The following SVIL variants were observed in gnomAD, a reference collection of about 807,000 sequenced individuals.
SVIL encodes supervillin.
A neutral mutation model predicts 240.4 loss-of-function variants in SVIL; 101 were observed. That is an observed-to-expected ratio of 0.42 (90% CI 0.36 to 0.50). The LOEUF is 0.50. SVIL is among the 20% of genes least tolerant of loss of function. SVIL has a pLI of 0.01. For synonymous variants in SVIL, 999 were observed against 1,100.0 expected (o/e 0.91, Z 1.82); for missense variants, 2,512 against 2,818.7 (o/e 0.89, Z 2.46).
chr10:29,679,518 A>G (rs1325067531), intron 2 of SVIL, among the ~76,000 whole-genome samples: 1 of 152,034 alleles, frequency 6.6e-6, no homozygotes, highest in Non-Finnish European at 1.5e-5. Flanking sequence ...CTGAAGATGA[A>G]TGATTAGAAA....
intron 2 of SVIL, among the ~76,000 whole-genome samples, chr10:29,566,257 A>G (rs7091361): frequency 0.55 from 83,757 of 151,980 alleles, 23,731 homozygotes; most frequent in African/African-American, 0.69. Flanking sequence ...AAAAACTGGC[A>G]TAATTGCACG....
At chr10:29,496,184 A>C (rs1029823214) in intron 18 of SVIL, among the ~76,000 whole-genome samples, 38 of 152,316 alleles carry the variant, frequency 2.5e-4, no homozygotes, top group African/African-American at 8.7e-4. Context: ...AATAAAAAAA[A>C]CCATTAAATG....
Position 29,480,795 on chromosome 10 carries a change from C to A in SVIL, c.5119G>T (p.Val1707Phe). 6.2e-7 allele frequency: 1 copy of A among 1,610,948 alleles called. No individual in the cohort carries two copies. The highest frequency in any genetic ancestry group is 8.5e-7 in the Non-Finnish European group (1 of 1,179,532). Residue 1707 changes from valine to phenylalanine, a missense_variant, in exon 29 of 38, where the codon GTC becomes TTC. This residue lies in a region of SVIL where 797 missense variants were observed against 925.3 expected (regional missense o/e 0.86). Transcript: ENST00000355867. ...AQHKEDPRTD[V>F]KAYDVTRMVS... is the part of the protein sequence containing the mutation. ...ATCCGTGTCACATCGTATGCCTTGA[C>A]ATCAGTCCTGGGGTCTTCCTACAGG...
intron 1 of SVIL, among the ~76,000 whole-genome samples, chr10:29,596,623 A>T (rs983106101): frequency 2.8e-4 from 42 of 152,256 alleles, no homozygotes; most frequent in African/African-American, 9.9e-4. Flanking sequence ...GCCACTGGGC[A>T]TTGGGCTAGA....
Position 29,607,826 on chromosome 10 carries a change from G to A in SVIL, c.-201+26594C>T, listed in dbSNP as rs376527624. ...CCCATCCTGACTCCAACCCCTTCAC[G>A]GGCAAGGCTCAAGGAGCTGGGAACC... On this transcript the variant is annotated intron_variant, in intron 1 of 37. Transcript: ENST00000355867. Among the ~76,000 whole-genome samples, 8 of 152,260 alleles carry A rather than the reference G, an allele frequency of 5.3e-5. No individual in the cohort carries two copies. In the East Asian group the frequency reaches 5.8e-4, roughly 11 times the overall value.
chr10:29,519,353 G>A (rs1455289013), intron 16 of SVIL, among the ~76,000 whole-genome samples: 3 of 152,148 alleles, frequency 2.0e-5, no homozygotes, highest in African/African-American at 7.2e-5. Context: ...CGTGGCCCTG[G>A]AGGCTACCGG....
In SVIL at chr10:29,656,630, G is replaced by A. The variant is rs568605515; in HGVS notation, c.-201+1339C>T. Among the ~76,000 whole-genome samples the A allele has an allele frequency of 4.6e-5, 7 of 152,302 alleles. No homozygotes were observed. The East Asian group carries it at 9.6e-4, about 21-fold the overall frequency. The stretch of plus-strand genomic sequence containing the variant: ...CCAGATCACATCCAGACAATAAAAT[G>A]TGGACGCTGATTCAACATGATTGCT... On this transcript the variant is annotated intron_variant, in intron 3 of 35. Transcript: ENST00000375400.
intron 1 of SVIL, among the ~76,000 whole-genome samples, chr10:29,693,029 G>A (rs74131933): frequency 0.033 from 5,062 of 152,080 alleles, 274 homozygotes; most frequent in African/African-American, 0.12. Flanking sequence ...GCCAAGGTCC[G>A]ATTTTTCACA....
intron 6 of SVIL, among the ~76,000 whole-genome samples, chr10:29,546,144 T>TTTAAAAATC (rs1257369612): frequency 6.6e-6 from 1 of 152,224 alleles, no homozygotes; most frequent in Non-Finnish European, 1.5e-5. Flanking sequence ...AGCTCAGGTG[T>TTTAAAAATC]TTAAAAATCT....
intron 1 of SVIL, among the ~76,000 whole-genome samples, chr10:29,572,148 C>T (rs866209513): frequency 3.9e-5 from 6 of 152,098 alleles, no homozygotes; most frequent in African/African-American, 1.4e-4. Context: ...TACAAACACA[C>T]TTAAGGTGAA....
chr10:29,732,876 C>T (rs1284077978), intron 1 of SVIL, among the ~76,000 whole-genome samples: 10 of 149,724 alleles, frequency 6.7e-5, no homozygotes, highest in Admixed American at 6.6e-4. Context: ...TTTTTTAATT[C>T]CTACCATCTT....
intron 2 of SVIL, among the ~76,000 whole-genome samples, chr10:29,664,019 T>C (rs1328782784): frequency 3.3e-5 from 5 of 152,234 alleles, no homozygotes; most frequent in Non-Finnish European, 5.9e-5. Flanking sequence ...ACGGGACACG[T>C]TCCCCATTTG....
chr10:29,638,427 T>A (rs1020356410), upstream of SVIL, among the ~76,000 whole-genome samples: 23 of 151,644 alleles, frequency 1.5e-4, no homozygotes, highest in African/African-American at 5.3e-4. Flanking sequence ...GATCATGCCA[T>A]TGCACTCCAG....
intron 1 of SVIL, among the ~76,000 whole-genome samples, chr10:29,591,529 T>C (rs891740022): frequency 1.3e-5 from 2 of 152,258 alleles, no homozygotes; most frequent in Non-Finnish European, 2.9e-5. Context: ...GATGCAATCC[T>C]GTGCCATAGT....
intron 2 of SVIL, among the ~76,000 whole-genome samples, chr10:29,568,229 T>TTAAA (rs66509666): frequency 0.083 from 12,592 of 151,448 alleles, 596 homozygotes; most frequent in Admixed American, 0.13. Flanking sequence ...TGTGTAAAAA[T>TTAAA]TAAAGCATAA....
chr10:29,481,216 A>G (rs1372986403), intron 28 of SVIL, among the ~76,000 whole-genome samples: 2 of 149,956 alleles, frequency 1.3e-5, no homozygotes, highest in East Asian at 3.9e-4. Flanking sequence ...TTAAAAAAGT[A>G]TTTTAGTTGA....
intron 1 of SVIL, among the ~76,000 whole-genome samples, chr10:29,621,052 C>T (rs1957619709): frequency 6.6e-6 from 1 of 151,192 alleles, no homozygotes; most frequent in African/African-American, 2.5e-5. Context: ...AATTCTCCCA[C>T]CTTGGCCTCC....
Position 29,470,492 on chromosome 10 carries a change from G to A in SVIL, c.5636-9C>T. The A allele has an allele frequency of 6.2e-7, 1 of 1,613,918 alleles. No homozygotes were observed. Among genetic ancestry groups the A allele is most frequent in the South Asian group, 1.1e-5 (1 of 91,078 alleles). On this transcript the variant is annotated splice_polypyrimidine_tract_variant and intron_variant, in intron 31 of 37. Coordinates refer to ENST00000355867, the MANE Select transcript of SVIL (RefSeq NM_021738.3). Reference sequence around the variant, plus strand: ...GTACAGCCGCCACTCACCTGCAGGGGGCACCGGCGGCGCGGAGGAGTTAGC... The same window carrying A: ...GTACAGCCGCCACTCACCTGCAGGGAGCACCGGCGGCGCGGAGGAGTTAGC...
At position 29,458,446 on chromosome 10, in the gene SVIL, G is replaced by C. The variant is rs766760077; in HGVS notation, c.6546C>G (p.Asp2182Glu). 1.9e-6 allele frequency: 3 copies of C among 1,583,418 alleles called. No individual in the cohort carries two copies. The highest frequency in any genetic ancestry group is 1.3e-5 in the African/African-American group (1 of 74,296). ...AAGAACCGCTTACCTCGAAGTCTTC[G>C]TCGGTGAGATAGATCTCAAGCTTCA... ...DPLKLEIYLT[D>E]EDFEFALDMT... The change falls in exon 37 of 38, where the codon GAC becomes GAG. Residue 2182 changes from aspartate to glutamate, a missense_variant. Coordinates refer to ENST00000355867, the MANE Select transcript of SVIL (RefSeq NM_021738.3).
Sources: gnomAD v4.1 joint callset for allele counts (sites outside exome capture counted in the v4.1 genomes callset) on GRCh38, gnomAD v4.1.1 for gene constraint, gnomAD v4.1.1 regional missense constraint, MANE v1.5 for transcripts, NCBI Gene and HGNC (gene_info 2026-07-23, HGNC 2026-07-21) for gene names.